Variants in IMMP2L observed in about 807,000 individuals in gnomAD.
The protein encoded by IMMP2L is inner mitochondrial membrane peptidase subunit 2.
IMMP2L carries 18 observed loss-of-function variants against 19.3 expected under a neutral mutation model. The observed-to-expected ratio is 0.93, with a 90% CI of 0.64 to 1.38. IMMP2L has a LOEUF of 1.38. IMMP2L is among the 40% of genes most tolerant of loss of function. IMMP2L has a pLI of 0.00. For synonymous variants in IMMP2L, 76 were observed against 73.0 expected (o/e 1.04, Z -0.21); for missense variants, 233 against 218.2 (o/e 1.07, Z -0.43).
chr7:111,227,246 C>A (rs981256609), intron 3 of IMMP2L, among the ~76,000 whole-genome samples: 2 of 152,084 alleles, frequency 1.3e-5, no homozygotes, highest in Non-Finnish European at 2.9e-5. Flanking sequence ...ACATTTCTCA[C>A]ACTATTCTGC....
intron 3 of IMMP2L, among the ~76,000 whole-genome samples, chr7:111,176,761 A>T (rs980287398): frequency 6.6e-6 from 1 of 152,138 alleles, no homozygotes; most frequent in South Asian, 2.1e-4. Context: ...TTTCAAAATA[A>T]CTAAAAGAGT....
At chr7:110,746,692 C>A (rs1162100640) in intron 5 of IMMP2L, among the ~76,000 whole-genome samples, 1 of 152,104 alleles carries the variant, frequency 6.6e-6, no homozygotes, top group Non-Finnish European at 1.5e-5. Context: ...TAAACATGTT[C>A]TTTGAAACCA....
At chr7:111,346,655 T>G (rs1827599089) in intron 3 of IMMP2L, among the ~76,000 whole-genome samples, 1 of 152,080 alleles carries the variant, frequency 6.6e-6, no homozygotes, top group Non-Finnish European at 1.5e-5. Flanking sequence ...CACTAGAGAC[T>G]GAGAGCTTAT....
At chr7:110,717,764 G>A (rs1046663440) in intron 5 of IMMP2L, among the ~76,000 whole-genome samples, 3 of 152,200 alleles carry the variant, frequency 2.0e-5, no homozygotes, top group African/African-American at 4.8e-5. Flanking sequence ...GTGGAGTTTT[G>A]TTGGTAGAAC....
At chr7:111,277,781 T>C (rs1416256408) in intron 3 of IMMP2L, among the ~76,000 whole-genome samples, 1 of 152,070 alleles carries the variant, frequency 6.6e-6, no homozygotes, top group Non-Finnish European at 1.5e-5. Flanking sequence ...GTAACTGTAA[T>C]TTGTGTGTTT....
At chr7:110,679,793 AC>A (rs1458129486) in intron 5 of IMMP2L, among the ~76,000 whole-genome samples, 1 of 152,210 alleles carries the variant, frequency 6.6e-6, no homozygotes, top group Non-Finnish European at 1.5e-5. Flanking sequence ...TAGAAAATAA[AC>A]AACCAGAAAT....
chr7:111,016,388 AT>A (rs1411838725), intron 3 of IMMP2L, among the ~76,000 whole-genome samples: 1 of 141,880 alleles, frequency 7.0e-6, no homozygotes, highest in Non-Finnish European at 1.5e-5. Flanking sequence ...TATGATATAT[AT>A]TTTTATATAT....
chr7:110,799,213 C>T (rs377503016), intron 5 of IMMP2L, among the ~76,000 whole-genome samples: 24 of 152,064 alleles, frequency 1.6e-4, no homozygotes, highest in East Asian at 3.9e-4. Flanking sequence ...TGGACTCCTT[C>T]GCCTGCTAAC....
intron 1 of IMMP2L, among the ~76,000 whole-genome samples, chr7:111,529,179 C>T (rs1047894667): frequency 6.6e-6 from 1 of 152,166 alleles, no homozygotes; most frequent in African/African-American, 2.4e-5. Context: ...AGTATATGAC[C>T]ATAAATAATC....
chr7:111,381,545 T>A (rs376458870), intron 3 of IMMP2L, among the ~76,000 whole-genome samples: 4 of 152,070 alleles, frequency 2.6e-5, no homozygotes, highest in African/African-American at 7.2e-5. Context: ...TACATCTCAA[T>A]TGGACAGTAC....
intron 3 of IMMP2L, among the ~76,000 whole-genome samples, chr7:111,228,305 G>T (rs1813326155): frequency 1.3e-5 from 2 of 151,892 alleles, no homozygotes; most frequent in South Asian, 4.2e-4. Flanking sequence ...TACAACATGT[G>T]TCTGGCTCAA....
intron 3 of IMMP2L, among the ~76,000 whole-genome samples, chr7:111,369,159 C>T (rs1241625209): frequency 6.6e-6 from 1 of 151,762 alleles, no homozygotes; most frequent in Non-Finnish European, 1.5e-5. Flanking sequence ...GAATCAAATA[C>T]TTTCAGACCA....
intron 3 of IMMP2L, among the ~76,000 whole-genome samples, chr7:111,117,376 T>A (rs997348095): frequency 6.6e-6 from 1 of 152,042 alleles, no homozygotes; most frequent in Non-Finnish European, 1.5e-5. Context: ...GAAAGTGAGG[T>A]ATCCTGTCCC....
chr7:111,228,396 A>C (rs1813336302), intron 3 of IMMP2L, among the ~76,000 whole-genome samples: 1 of 151,860 alleles, frequency 6.6e-6, no homozygotes, highest in East Asian at 1.9e-4. Flanking sequence ...AAAAAATGAG[A>C]CTCAAAAAGA....
chr7:111,135,731 T>C (rs951211458), intron 3 of IMMP2L, among the ~76,000 whole-genome samples: 5 of 152,112 alleles, frequency 3.3e-5, no homozygotes, highest in Non-Finnish European at 5.9e-5. Context: ...ATCAAGAACA[T>C]ACAAAAAAGA....
chr7:110,867,300 C>A (rs1808073436), intron 5 of IMMP2L, among the ~76,000 whole-genome samples: 2 of 151,866 alleles, frequency 1.3e-5, no homozygotes, highest in Admixed American at 1.3e-4. Context: ...TATAAGGGCA[C>A]TAATCTCATC....
intron 3 of IMMP2L, among the ~76,000 whole-genome samples, chr7:111,398,882 C>CA (rs756718840): frequency 0.044 from 4,599 of 104,672 alleles, 187 homozygotes; most frequent in African/African-American, 0.12. Context: ...ACAATAGCTG[C>CA]AAAAAAAAAA....
intron 3 of IMMP2L, among the ~76,000 whole-genome samples, chr7:110,995,551 T>C (rs1585649476): frequency 3.3e-5 from 5 of 152,270 alleles, no homozygotes; most frequent in African/African-American, 1.2e-4. Context: ...GGAGATTTAA[T>C]GAGAAGGAGG....
chr7:111,121,203 G>A (rs1273174599), intron 3 of IMMP2L, among the ~76,000 whole-genome samples: 2 of 152,058 alleles, frequency 1.3e-5, no homozygotes, highest in Non-Finnish European at 2.9e-5. Flanking sequence ...TGATGGGGTT[G>A]TTTGTTTTTT....
Sources: gnomAD v4.1 joint callset for allele counts (sites outside exome capture counted in the v4.1 genomes callset) on GRCh38, gnomAD v4.1.1 for gene constraint, MANE v1.5 for transcripts, NCBI Gene and HGNC (gene_info 2026-07-23, HGNC 2026-07-21) for gene names.